ATXN10: variants seen among roughly 807,000 people sequenced by gnomAD.
ATXN10 encodes the protein ataxin 10.
Under a neutral mutation model 52.9 loss-of-function variants are expected in ATXN10, and 28 were observed. The observed-to-expected ratio is 0.53, with a 90% CI of 0.39 to 0.73. ATXN10 has a LOEUF of 0.73. Ranked by LOEUF, ATXN10 falls within the 30% of genes least tolerant of loss-of-function variation. The probability of loss-of-function intolerance (pLI) is 0.00; values close to 1 mark genes in which losing one functional copy is unlikely to be tolerated. For synonymous variants in ATXN10, 226 were observed against 221.5 expected, an observed-to-expected ratio of 1.02 and a Z score of -0.18; for missense variants, 565 against 577.0, an observed-to-expected ratio of 0.98 and a Z score of 0.21.
Position 45,780,086 on chromosome 22 carries a change from CTT to C in ATXN10, c.1174-26859_1174-26858del, listed in dbSNP as rs135993. Among the ~76,000 whole-genome samples, 1,176 of 138,546 alleles carry C rather than the reference CTT, an allele frequency of 8.5e-3. 7 individuals carry two copies. Among genetic ancestry groups the C allele is most frequent in the South Asian group, 0.018 (80 of 4,390 alleles). The allele number at this position is 138,546 out of a possible 152,430, so 90.9% of individuals were successfully genotyped here. On this transcript the variant is annotated intron_variant, in intron 9 of 11. Coordinates refer to ENST00000252934, the MANE Select transcript of ATXN10 (RefSeq NM_013236.4). The surrounding 1 kb of genome is among the most constrained non-coding windows in gnomAD (Gnocchi z 4.0). ...CAAACAAAAAGGCAGACTGCATCATCTTTTTTTTTTTTTTTGAGACGGAGTCT... is the reference window on the plus strand; with the variant it reads ...CAAACAAAAAGGCAGACTGCATCATCTTTTTTTTTTTTTGAGACGGAGTCT...
chr22:45,718,695 C>T lies in ATXN10; in HGVS notation c.728+202C>T, dbSNP rs1488611415. On this transcript the variant is annotated intron_variant, in intron 6 of 11. Coordinates refer to ENST00000252934, the MANE Select transcript of ATXN10 (RefSeq NM_013236.4). This position sits in a 1 kb window ranked among gnomAD's most constrained non-coding sequence, Gnocchi z 4.4. ...GTGATTTATGGAGGGTAGCAGGATC[C>T]AGGTTGGTGCCATTATTCAGTAAAT... 6.6e-6 allele frequency among the ~76,000 whole-genome samples: 1 copy of T among 152,068 alleles called. No homozygotes were observed. The highest frequency in any genetic ancestry group is 1.5e-5 in the Non-Finnish European group (1 of 68,008).
chr22:45,678,889 TATTAA>T lies in ATXN10; in HGVS notation c.116+6715_116+6719del, dbSNP rs1401930691. ...ACTGACATAGGAGTAGCTCACATGC[TATTAA>T]ATTATTAAATTTAATACATTTGTAA... On this transcript the variant is annotated intron_variant, in intron 1 of 11. Coordinates refer to ENST00000252934, the MANE Select transcript of ATXN10 (RefSeq NM_013236.4). The surrounding 1 kb of genome is among the most constrained non-coding windows in gnomAD (Gnocchi z 4.1). The T allele has an allele frequency of 6.6e-6, 1 of 152,248 alleles. No individual in the cohort carries two copies. Among genetic ancestry groups the T allele is most frequent in the Non-Finnish European group, 1.5e-5 (1 of 68,050 alleles). 9.4% of individuals were successfully genotyped at this position (152,248 alleles called of 1,614,324 possible). A position where few individuals can be genotyped will look rare whatever the true frequency, so the allele number is the denominator to read the frequency against.
In ATXN10 at chr22:45,729,623, A is replaced by G. The variant is rs758050698; in HGVS notation, c.894+33A>G. Reference sequence around the variant, plus strand: ...AGGCAGATTTCCCAATCTCGGGTAAAAGAGAATGGACAGATTTTCTAACTC... The same window carrying G: ...AGGCAGATTTCCCAATCTCGGGTAAGAGAGAATGGACAGATTTTCTAACTC... On this transcript the variant is annotated intron_variant, in intron 7 of 11. Coordinates refer to ENST00000252934, the MANE Select transcript of ATXN10 (RefSeq NM_013236.4). 5 of 1,610,814 alleles carry G rather than the reference A, an allele frequency of 3.1e-6. 1 individual carries two copies. The South Asian group carries it at 5.5e-5, about 18-fold the overall frequency.
In ATXN10 at chr22:45,805,904, G is replaced by A. The variant is rs560515279; in HGVS notation, c.1174-1055G>A. 1.4e-4 allele frequency among the ~76,000 whole-genome samples: 21 copies of A among 152,286 alleles called. No individual in the cohort carries two copies. Among genetic ancestry groups the A allele is most frequent in the African/African-American group, 4.8e-4 (20 of 41,564 alleles). On this transcript the variant is annotated intron_variant, in intron 9 of 11. Coordinates refer to ENST00000252934, the MANE Select transcript of ATXN10 (RefSeq NM_013236.4). This position sits in a 1 kb window ranked among gnomAD's most constrained non-coding sequence, Gnocchi z 4.4. ...TGGGCCAGGCACAGTCACTCATGCC[G>A]ATAATCCCAGTGCTTTGGGAGACCA...
rs1159688950 is a variant in ATXN10 at position 45,684,019 on chromosome 22, A to G, written c.117-5693A>G. 1.3e-5 allele frequency among the ~76,000 whole-genome samples: 2 copies of G among 152,236 alleles called. No homozygotes were observed. Among genetic ancestry groups the G allele is most frequent in the South Asian group, 4.1e-4 (2 of 4,822 alleles). ...CAGGCCTGAGTGCAGTGTTGTGATC[A>G]TAGCTCACCATAGCCTTGAACTCCT... On this transcript the variant is annotated intron_variant, in intron 1 of 11. Coordinates refer to ENST00000252934, the MANE Select transcript of ATXN10 (RefSeq NM_013236.4). The surrounding 1 kb of genome is among the most constrained non-coding windows in gnomAD (Gnocchi z 4.1).
rs910228472 is a variant in ATXN10, at chr22:45,823,764, T to C, written c.1237+16742T>C. ...TGTTTATTGAGTAGCTGGCATGTTA[T>C]GTGCTGCACACTGTTCTAGCTGCCA... On this transcript the variant is annotated intron_variant, in intron 10 of 11. Transcript: ENST00000252934. The surrounding 1 kb of genome is among the most constrained non-coding windows in gnomAD (Gnocchi z 4.9). 3.3e-5 allele frequency among the ~76,000 whole-genome samples: 5 copies of C among 152,218 alleles called. No individual in the cohort carries two copies. Among genetic ancestry groups the C allele is most frequent in the African/African-American group, 9.6e-5 (4 of 41,462 alleles).
intron 9 of ATXN10, among the ~76,000 whole-genome samples, chr22:45,747,137 T>C (rs1274870658): frequency 1.3e-5 from 2 of 152,164 alleles, no homozygotes; most frequent in Non-Finnish European, 2.9e-5. Context: ...CTTTCCCAGA[T>C]ACATGTTTTT....
rs190843353 is a variant in ATXN10 at position 45,772,193 on chromosome 22, T to A, written c.1173+31655T>A. Among the ~76,000 whole-genome samples the A allele has an allele frequency of 6.5e-3, 993 of 152,348 alleles. 7 individuals are homozygous for A. Among genetic ancestry groups the A allele is most frequent in the South Asian group, 0.015 (71 of 4,828 alleles). ...TTTCTCATAGTTTTTCTTCCTAAAA[T>A]TTTGTAGTTTTATGTTTTGTGTTTA... On this transcript the variant is annotated intron_variant, in intron 9 of 11. Coordinates refer to ENST00000252934, the MANE Select transcript of ATXN10 (RefSeq NM_013236.4). This position sits in a 1 kb window ranked among gnomAD's most constrained non-coding sequence, Gnocchi z 4.1.
chr22:45,726,285 G>A (rs1055434458), intron 6 of ATXN10, among the ~76,000 whole-genome samples: 4 of 152,060 alleles, frequency 2.6e-5, no homozygotes, highest in Admixed American at 1.3e-4. Context: ...GTATCCGTCT[G>A]GCCCTGGGTT....
chr22:45,694,556 C>T (rs1387632964), intron 3 of ATXN10, among the ~76,000 whole-genome samples: 5 of 151,642 alleles, frequency 3.3e-5, no homozygotes, highest in African/African-American at 4.8e-5. Context: ...CTGAGGCGGG[C>T]GGATCATTTG....
rs150312821 is a variant in ATXN10, at chr22:45,833,996, G to T, written c.1238-8995G>T. Among the ~76,000 whole-genome samples, 71 of 152,334 alleles carry T rather than the reference G, an allele frequency of 4.7e-4. No homozygotes were observed. The highest frequency in any genetic ancestry group is 8.3e-4 in the South Asian group (4 of 4,824). ...TTTTCTCATCAGTAGAATGAGGATA[G>T]TAACGAACATCTACCGCATAGAGAG... On this transcript the variant is annotated intron_variant, in intron 10 of 11. Coordinates refer to ENST00000252934, the MANE Select transcript of ATXN10 (RefSeq NM_013236.4). The surrounding 1 kb of genome is among the most constrained non-coding windows in gnomAD (Gnocchi z 4.3).
rs1929389167 is a variant in ATXN10 at position 45,842,793 on chromosome 22, T to C, written c.1238-198T>C. On this transcript the variant is annotated intron_variant, in intron 10 of 11. Coordinates refer to ENST00000252934, the MANE Select transcript of ATXN10 (RefSeq NM_013236.4). This position sits in a 1 kb window ranked among gnomAD's most constrained non-coding sequence, Gnocchi z 4.8. ...ATCACACACACATGCTGGATGTACA[T>C]GTGCATATGCCTGCGTTGCCTCTTT... Among the ~76,000 whole-genome samples, 1 of 152,224 alleles carries C rather than the reference T, an allele frequency of 6.6e-6. No homozygotes were observed. The highest frequency in any genetic ancestry group is 6.5e-5 in the Admixed American group (1 of 15,290).
intron 10 of ATXN10, among the ~76,000 whole-genome samples, chr22:45,810,915 G>A (rs541377561): frequency 2.2e-4 from 34 of 152,088 alleles, no homozygotes; most frequent in African/African-American, 4.6e-4. Flanking sequence ...ATTGAGACTT[G>A]ATTTATGACC....
In ATXN10 at chr22:45,820,935, A is replaced by G. The variant is rs1268748942; in HGVS notation, c.1237+13913A>G. Among the ~76,000 whole-genome samples, 1 of 152,204 alleles carries G rather than the reference A, an allele frequency of 6.6e-6. No homozygotes were observed. The highest frequency in any genetic ancestry group is 1.5e-5 in the Non-Finnish European group (1 of 68,028). On this transcript the variant is annotated intron_variant, in intron 10 of 11. Transcript: ENST00000252934. This position sits in a 1 kb window ranked among gnomAD's most constrained non-coding sequence, Gnocchi z 4.9. Reference sequence around the variant, plus strand: ...AATAGAAATGGTTCGAGTTTCTATGAGAAGGACCCAGCCTTGCCTTTAAGA... The same window carrying G: ...AATAGAAATGGTTCGAGTTTCTATGGGAAGGACCCAGCCTTGCCTTTAAGA...
intron 6 of ATXN10, among the ~76,000 whole-genome samples, chr22:45,725,091 A>T (rs937618684): frequency 2.0e-5 from 3 of 152,062 alleles, no homozygotes; most frequent in Non-Finnish European, 4.4e-5. Flanking sequence ...GAGTAATGTG[A>T]TGCCTTAGAA....
intron 9 of ATXN10, among the ~76,000 whole-genome samples, chr22:45,788,191 T>A (rs1481607947): frequency 6.6e-6 from 1 of 152,126 alleles, no homozygotes; most frequent in Non-Finnish European, 1.5e-5. Flanking sequence ...GGGACATAAC[T>A]GCTCACATTT....
intron 2 of ATXN10, 97 bp downstream of exon 2, chr22:45,690,000 A>G: frequency 3.0e-6 from 4 of 1,319,210 alleles, no homozygotes; most frequent in Non-Finnish European, 4.3e-6. Flanking sequence ...GGGCTGGGTA[A>G]GGTGGCTCAT....
chr22:45,793,654 T>G (rs1055360549), intron 9 of ATXN10: 32 of 1,404,384 alleles, frequency 2.3e-5, no homozygotes, highest in Non-Finnish European at 2.8e-5. Flanking sequence ...TTGCCAAGGA[T>G]GCAGGTGCCA....
chr22:45,754,568 G>A lies in ATXN10; in HGVS notation c.1173+14030G>A, dbSNP rs1299144844. ...TCCTCAAAGCCACTCAGTGGTGGGA[G>A]TGCTGTCTCAGTAGTCCCGCAAGCC... On this transcript the variant is annotated intron_variant, in intron 9 of 11. Transcript: ENST00000252934. This position sits in a 1 kb window ranked among gnomAD's most constrained non-coding sequence, Gnocchi z 5.4. 6.6e-6 allele frequency among the ~76,000 whole-genome samples: 1 copy of A among 152,142 alleles called. No individual in the cohort carries two copies. The highest frequency in any genetic ancestry group is 1.5e-5 in the Non-Finnish European group (1 of 68,006).
Sources: allele counts gnomAD v4.1 joint callset (sites outside exome capture counted in the v4.1 genomes callset), GRCh38; gene constraint gnomAD v4.1.1; non-coding constraint Gnocchi (gnomAD v3.1); transcripts MANE v1.5; gene names NCBI Gene and HGNC (gene_info 2026-07-23, HGNC 2026-07-21).